Variants in RHOBTB3 observed in about 807,000 individuals in gnomAD.
RHOBTB3 encodes the protein rho-related BTB domain-containing protein 3.
In RHOBTB3, 47 loss-of-function variants were observed where a neutral mutation model predicts 67.2. The ratio of observed to expected loss-of-function variants is 0.70; its 90% CI spans 0.55 to 0.89. The LOEUF is 0.89. Among genes scored for constraint, RHOBTB3 ranks in the 40% least tolerant of loss-of-function variants. The probability of loss-of-function intolerance (pLI) is 0.00; values close to 1 mark genes in which losing one functional copy is unlikely to be tolerated. For missense variants in RHOBTB3, 631 were observed against 750.0 expected, an observed-to-expected ratio of 0.84 and a Z score of 1.85; for synonymous variants, 273 against 274.2, an observed-to-expected ratio of 1.00 and a Z score of 0.04.
chr5:95,791,734 C>T (rs184736108), intron 11 of RHOBTB3, among the ~76,000 whole-genome samples: 24 of 150,696 alleles, frequency 1.6e-4, no homozygotes, highest in African/African-American at 3.9e-4. Context: ...TTAGTAGAGA[C>T]GGGGTTTTGC....
Position 95,784,115 on chromosome 5 carries a change from A to G in RHOBTB3, c.1623+152A>G, listed in dbSNP as rs1442712971. 4 of 598,416 alleles carry G rather than the reference A, an allele frequency of 6.7e-6. No homozygotes were observed. The Admixed American group carries it at 1.3e-4, about 19-fold the overall frequency. 37.1% of individuals were successfully genotyped at this position (598,416 alleles called of 1,614,324 possible). On this transcript the variant is annotated intron_variant, in intron 10 of 11. Transcript: ENST00000379982. The stretch of plus-strand genomic sequence containing the variant: ...GGCTAAAGTGCCTTCACAACAGTTT[A>G]TCTGGCTAGATAATTTTGAAGCGTT...
At chr5:95,769,630 T>A (rs1175724960) in intron 8 of RHOBTB3, 3 of 164,978 alleles carry the variant, frequency 1.8e-5, no homozygotes, top group Admixed American at 6.4e-5. Flanking sequence ...AATCACCAGA[T>A]CTAATTTTTG....
chr5:95,724,581 C>T (rs551097352), intron 1 of RHOBTB3, among the ~76,000 whole-genome samples: 2 of 152,172 alleles, frequency 1.3e-5, no homozygotes, highest in Non-Finnish European at 2.9e-5. Flanking sequence ...AGCTCCTCTA[C>T]TCCCTACTTG....
At chr5:95,753,879 G>A (rs1432362746) in intron 5 of RHOBTB3, among the ~76,000 whole-genome samples, 2 of 152,176 alleles carry the variant, frequency 1.3e-5, no homozygotes, top group Non-Finnish European at 1.5e-5. Context: ...GGAGGCCAAG[G>A]TGGGCAGATC....
chr5:95,722,436 A>G (rs780753722), intron 1 of RHOBTB3, among the ~76,000 whole-genome samples: 2 of 152,216 alleles, frequency 1.3e-5, no homozygotes, highest in African/African-American at 2.4e-5. Flanking sequence ...ATGGTGCTTG[A>G]TAATAATACT....
At chr5:95,752,407 T>A in intron 5 of RHOBTB3, 57 bp downstream of exon 5, 1 of 1,131,036 alleles carries the variant, frequency 8.8e-7, no homozygotes, top group Non-Finnish European at 1.3e-6. Context: ...AGATCCTTTC[T>A]CACAGGTCTT....
At chr5:95,752,214 A>C (rs751122844) in intron 4 of RHOBTB3, 25 bp from the exon 5 acceptor site, 12 of 1,348,598 alleles carry the variant, frequency 8.9e-6, no homozygotes, top group Non-Finnish European at 1.1e-5. Flanking sequence ...TTGGATCTTC[A>C]ATTAAAATTT....
In RHOBTB3 at chr5:95,795,040, T is replaced by A. The variant is rs193284105; in HGVS notation, c.*1866T>A. The A allele has an allele frequency of 2.0e-5, 3 of 147,476 alleles. No individual in the cohort carries two copies. In the South Asian group the frequency reaches 6.5e-4, roughly 32 times the overall value. 9.1% of individuals were successfully genotyped at this position (147,476 alleles called of 1,614,324 possible). A position where few individuals can be genotyped will look rare whatever the true frequency, so the allele number is the denominator to read the frequency against. ...TCGCTTGAACCTGGGAGGTGGAAGTTGCAGTGAGCCGAGATCGCACCACTG... is the reference window on the plus strand; with the variant it reads ...TCGCTTGAACCTGGGAGGTGGAAGTAGCAGTGAGCCGAGATCGCACCACTG... On this transcript the variant is annotated 3_prime_UTR_variant, in exon 12 of 12. Transcript: ENST00000379982.
At chr5:95,731,206 G>A, upstream of RHOBTB3, 1 of 1,002,928 alleles carries the variant, frequency 1.0e-6, no homozygotes, top group South Asian at 4.2e-5. Flanking sequence ...CCTCCGCGGG[G>A]AGCGCGTCCC....
At chr5:95,751,698 C>G (rs1745095459) in intron 4 of RHOBTB3, among the ~76,000 whole-genome samples, 1 of 152,118 alleles carries the variant, frequency 6.6e-6, no homozygotes, top group Non-Finnish European at 1.5e-5. Context: ...TCCCACCACC[C>G]TCTCAAGTAG....
intron 1 of RHOBTB3, among the ~76,000 whole-genome samples, chr5:95,722,339 C>T (rs998674157): frequency 6.6e-6 from 1 of 152,050 alleles, no homozygotes. Context: ...AAGTATTATA[C>T]CACTTAACTC....
intron 3 of RHOBTB3, among the ~76,000 whole-genome samples, chr5:95,745,197 A>G (rs1359204674): frequency 6.6e-6 from 1 of 152,144 alleles, no homozygotes; most frequent in African/African-American, 2.4e-5. Context: ...CAGCCTTCCA[A>G]GTAGCTGGAA....
At chr5:95,769,985 C>T in intron 8 of RHOBTB3, 1 of 419,634 alleles carries the variant, frequency 2.4e-6, no homozygotes. Context: ...AGATATGGCT[C>T]TTGCTGTTGG....
chr5:95,790,971 A>T (rs1365309679), intron 11 of RHOBTB3, among the ~76,000 whole-genome samples: 1 of 152,142 alleles, frequency 6.6e-6, no homozygotes, highest in East Asian at 1.9e-4. Flanking sequence ...CTTGGCGCTG[A>T]CGGCCCACCT....
chr5:95,791,454 C>T (rs1242715367), intron 11 of RHOBTB3, among the ~76,000 whole-genome samples: 2 of 152,146 alleles, frequency 1.3e-5, no homozygotes, highest in Admixed American at 6.5e-5. Flanking sequence ...TGCCAGAGCT[C>T]ATCTCTAATA....
chr5:95,762,960 C>T lies in RHOBTB3; in HGVS notation c.1049-548C>T, dbSNP rs564256679. 3.3e-5 allele frequency among the ~76,000 whole-genome samples: 5 copies of T among 152,214 alleles called. No individual in the cohort carries two copies. In the South Asian group the frequency reaches 8.3e-4, roughly 25 times the overall value. On this transcript the variant is annotated intron_variant, in intron 6 of 11. Transcript: ENST00000379982. ...AAAGGACAGTGGGGTGATTTTGCTC[C>T]GATGACATGAGCTACGTGGACGAGT...
At chr5:95,722,576 G>A (rs188942284) in intron 1 of RHOBTB3, among the ~76,000 whole-genome samples, 4 of 152,078 alleles carry the variant, frequency 2.6e-5, no homozygotes, top group Admixed American at 2.0e-4. Context: ...CGCAACCTCC[G>A]CCTCCTGGGT....
chr5:95,780,610 C>T (rs1434413503), intron 9 of RHOBTB3, among the ~76,000 whole-genome samples, 185 bp downstream of exon 9: 1 of 152,170 alleles, frequency 6.6e-6, no homozygotes, highest in Non-Finnish European at 1.5e-5. Flanking sequence ...AGTGGAAGTG[C>T]AGTGATTGGG....
intron 4 of RHOBTB3, among the ~76,000 whole-genome samples, chr5:95,748,755 C>T (rs1252759754): frequency 6.6e-6 from 1 of 152,176 alleles, no homozygotes; most frequent in Non-Finnish European, 1.5e-5. Context: ...GTATCAAAAG[C>T]ATGTTTACTT....
Sources: gnomAD v4.1 joint callset for allele counts (sites outside exome capture counted in the v4.1 genomes callset) on GRCh38, gnomAD v4.1.1 for gene constraint, MANE v1.5 for transcripts, NCBI Gene and HGNC (gene_info 2026-07-23, HGNC 2026-07-21) for gene names.